GPX3: variants seen among roughly 807,000 people sequenced by gnomAD.
The protein encoded by GPX3 is GPx-3.
A neutral mutation model predicts 25.1 loss-of-function variants in GPX3; 22 were observed. The observed-to-expected ratio is 0.88, with a 90% CI of 0.63 to 1.25. The LOEUF is 1.25. GPX3 is among the 50% of genes most tolerant of loss of function. The pLI, the probability that GPX3 is intolerant of heterozygous loss-of-function variation, is 0.00. For missense variants in GPX3, 278 were observed against 286.6 expected (o/e 0.97, Z 0.22); for synonymous variants, 110 against 114.5 (o/e 0.96, Z 0.25).
Position 151,027,955 on chromosome 5 carries a change from TC to T in GPX3, c.507del (p.Phe170SerfsTer?). The T allele has an allele frequency of 6.2e-7, 1 of 1,614,168 alleles. No homozygotes were observed. Among genetic ancestry groups the T allele is most frequent in the Admixed American group, 1.7e-5 (1 of 60,028 alleles). On this transcript the variant is annotated frameshift_variant, in exon 5 of 5. Transcript: ENST00000388825. LOFTEE classifies it high-confidence loss of function. The part of the protein sequence containing the change: ...TSELLGTSDR[L>X]FWEPMKVHDI... ...GAGCTCCTGGGTACATCTGACCGCC[TC>T]TTCTGGGAACCCATGAAGGTTCACG... is the stretch of plus-strand genomic sequence containing the variant.
At chr5:151,024,149 T>G (rs916935365) in intron 1 of GPX3, among the ~76,000 whole-genome samples, 20 of 152,324 alleles carry the variant, frequency 1.3e-4, no homozygotes, top group African/African-American at 4.3e-4. Flanking sequence ...TGCATTCCAT[T>G]TGTTTATTGT....
chr5:151,025,557 CTTT>C, intron 2 of GPX3, 64 bp downstream of exon 2: 1 of 1,409,412 alleles, frequency 7.1e-7, no homozygotes, highest in Non-Finnish European at 9.6e-7. Context: ...ATCACAGGAG[CTTT>C]TCTGGTGCAT....
Position 151,020,605 on chromosome 5 carries a change from C to T in GPX3, c.-50C>T. On this transcript the variant is annotated 5_prime_UTR_variant, in exon 1 of 5. Transcript: ENST00000388825. ...CCGGACACCTCAGACGGACGGTGGC[C>T]AGGGATCAGGCAGCGGCTCAGGCGA... 1 of 1,507,040 alleles carries T rather than the reference C, an allele frequency of 6.6e-7. No individual in the cohort carries two copies. Among genetic ancestry groups the T allele is most frequent in the South Asian group, 1.2e-5 (1 of 83,874 alleles). 93.4% of individuals were successfully genotyped at this position (1,507,040 alleles called of 1,614,324 possible).
chr5:151,025,263 T>C, intron 1 of GPX3, 77 bp from the exon 2 acceptor site: 1 of 1,209,850 alleles, frequency 8.3e-7, no homozygotes, highest in Non-Finnish European at 1.1e-6. Flanking sequence ...TCTGTTGGGA[T>C]CTTTCATTCT....
rs1756557694 is a variant in GPX3, at chr5:151,026,921, A to C, written c.263A>C (p.Glu88Ala). The C allele has an allele frequency of 6.2e-7, 1 of 1,614,034 alleles. No homozygotes were observed. The highest frequency in any genetic ancestry group is 1.3e-5 in the African/African-American group (1 of 75,060). The part of the protein sequence containing the change: ...QYIELNALQE[E>A]LAPFGLVILG... ...CCAGAACTGAATGCACTACAGGAAG[A>C]GCTTGCACCATTCGGTCTGGTCATT... The change falls in exon 3 of 5, where the codon GAG (glutamate) becomes GCG (alanine). Residue 88 changes from glutamate (E) to alanine (A), a missense_variant. Transcript: ENST00000388825.
intron 1 of GPX3, among the ~76,000 whole-genome samples, chr5:151,023,246 C>T (rs1220929368): frequency 6.6e-6 from 1 of 152,156 alleles, no homozygotes; most frequent in Non-Finnish European, 1.5e-5. Context: ...GACTGAGTTG[C>T]AGTGATCAGT....
In GPX3 at chr5:151,027,973, A is replaced by C; in HGVS notation, c.524A>C (p.Lys175Thr). 6.2e-7 allele frequency: 1 copy of C among 1,614,156 alleles called. No homozygotes were observed. Residue 175 changes from lysine (K) to threonine (T), a missense_variant, in exon 5 of 5, where the codon AAG (lysine) becomes ACG (threonine). Coordinates refer to ENST00000388825, the MANE Select transcript of GPX3 (RefSeq NM_002084.5). ...TSDRLFWEPM[K>T]VHDIRWNFEK... The stretch of plus-strand genomic sequence containing the variant: ...GACCGCCTCTTCTGGGAACCCATGA[A>C]GGTTCACGACATCCGCTGGAACTTT...
chr5:151,020,988 G>C, intron 1 of GPX3: 2 of 543,894 alleles, frequency 3.7e-6, no homozygotes, highest in Non-Finnish European at 6.6e-6. Flanking sequence ...ATGACTAAGG[G>C]AGGAAGGTCT....
chr5:151,027,185 G>A (rs72547459), intron 3 of GPX3, among the ~76,000 whole-genome samples, 168 bp downstream of exon 3: 1 of 152,334 alleles, frequency 6.6e-6, no homozygotes, highest in Non-Finnish European at 1.5e-5. Flanking sequence ...GAAGGACAGG[G>A]ACAACTGGTT....
chr5:151,026,307 G>A (rs1272141479), intron 2 of GPX3: 5 of 152,480 alleles, frequency 3.3e-5, no homozygotes, highest in South Asian at 2.1e-4. Context: ...GCGAATTCCC[G>A]GAAGTGAAAG....
At chr5:151,027,411 C>A in intron 3 of GPX3, 21 bp from the exon 4 acceptor site, 1 of 1,560,804 alleles carries the variant, frequency 6.4e-7, no homozygotes, top group Non-Finnish European at 8.8e-7. Context: ...TTGGGACCCA[C>A]CTAAGAACAT....
intron 2 of GPX3, among the ~76,000 whole-genome samples, chr5:151,025,787 C>T (rs1756538982): frequency 6.6e-6 from 1 of 152,210 alleles, no homozygotes; most frequent in South Asian, 2.1e-4. Context: ...CTCCCTTTGG[C>T]TGGAGCATGA....
chr5:151,022,412 A>G (rs1756490587), intron 1 of GPX3, among the ~76,000 whole-genome samples: 2 of 152,196 alleles, frequency 1.3e-5, no homozygotes, highest in Non-Finnish European at 2.9e-5. Flanking sequence ...GTGTGATCAT[A>G]TCACATACAA....
Position 151,027,951 on chromosome 5 carries a change from C to A in GPX3, c.502C>A (p.Arg168Ser), listed in dbSNP as rs746734937. 5 of 1,614,164 alleles carry A rather than the reference C, an allele frequency of 3.1e-6. No homozygotes were observed. The highest frequency in any genetic ancestry group is 4.2e-6 in the Non-Finnish European group (5 of 1,180,022). Residue 168 changes from arginine to serine, a missense_variant, in exon 5 of 5, where the codon CGC (arginine) becomes AGC (serine). Physicochemically the swap from Arg to Ser is moderately radical, Grantham distance 110. Coordinates refer to ENST00000388825, the MANE Select transcript of GPX3 (RefSeq NM_002084.5). ...PTSELLGTSD[R>S]LFWEPMKVHD... ...CTCGGAGCTCCTGGGTACATCTGAC[C>A]GCCTCTTCTGGGAACCCATGAAGGT...
rs750687719 is a variant in GPX3 at position 151,027,471 on chromosome 5, G to C, written c.399G>C (p.Gln133His). Reference sequence around the variant, plus strand: ...GTGGAGGCTTTGTCCCTAATTTCCAGCTCTTTGAGAAAGGGGATGTCAATG... The same window carrying C: ...GTGGAGGCTTTGTCCCTAATTTCCACCTCTTTGAGAAAGGGGATGTCAATG... ...RPGGGFVPNF[Q>H]LFEKGDVNGE... The change falls in exon 4 of 5, where the codon CAG becomes CAC. Residue 133 changes from glutamine (Q) to histidine (H), a missense_variant. Gln to His is a conservative substitution (Grantham distance 24, BLOSUM62 0). Coordinates refer to ENST00000388825, the MANE Select transcript of GPX3 (RefSeq NM_002084.5). 5 of 1,613,970 alleles carry C rather than the reference G, an allele frequency of 3.1e-6. No homozygotes were observed. In the Admixed American group the frequency reaches 8.3e-5, roughly 27 times the overall value.
Position 151,027,905 on chromosome 5 carries a change from C to G in GPX3, c.460-4C>G, listed in dbSNP as rs986650820. The G allele has an allele frequency of 6.2e-7, 1 of 1,613,504 alleles. No homozygotes were observed. Among genetic ancestry groups the G allele is most frequent in the Admixed American group, 1.7e-5 (1 of 60,006 alleles). On this transcript the variant is annotated splice_polypyrimidine_tract_variant and splice_region_variant and intron_variant, in intron 4 of 4. Coordinates refer to ENST00000388825, the MANE Select transcript of GPX3 (RefSeq NM_002084.5). ...GGTTGACACTCCTCTTATCCCTGCT[C>G]TAGAACTCCTGTCCTCCCACCTCGG...
chr5:151,025,562 C>T, intron 2 of GPX3, 69 bp downstream of exon 2: 1 of 1,366,552 alleles, frequency 7.3e-7, no homozygotes, highest in Non-Finnish European at 1.0e-6. Context: ...AGGAGCTTTT[C>T]TGGTGCATGG....
At chr5:151,021,026 A>G (rs870407) in intron 1 of GPX3, 80,592 of 444,262 alleles carry the variant, frequency 0.18, 8,843 homozygotes, top group African/African-American at 0.38. Flanking sequence ...CTTTCTCCCC[A>G]CTGCCACCTC....
At chr5:151,021,228 G>A (rs1756471547) in intron 1 of GPX3, 1 of 213,336 alleles carries the variant, frequency 4.7e-6, no homozygotes, top group Admixed American at 6.3e-5. Context: ...GCTGTGGGGG[G>A]CTCTTCTACC....
Sources: gnomAD v4.1 joint callset for allele counts (sites outside exome capture counted in the v4.1 genomes callset) on GRCh38, gnomAD v4.1.1 for gene constraint, MANE v1.5 for transcripts, NCBI Gene and HGNC (gene_info 2026-07-23, HGNC 2026-07-21) for gene names.